The following IFI16 variants were observed in gnomAD, a reference collection of about 807,000 sequenced individuals.
IFI16 encodes the protein interferon gamma inducible protein 16.
A neutral mutation model predicts 68.4 loss-of-function variants in IFI16; 49 were observed. That is an observed-to-expected ratio of 0.72 (90% CI 0.57 to 0.91). The LOEUF (loss-of-function observed/expected upper bound fraction) is 0.91, where lower values mean the gene tolerates loss of function less well. Among genes scored for constraint, IFI16 ranks in the 40% least tolerant of loss-of-function variants. IFI16 has a pLI of 0.00. For missense variants in IFI16, 878 were observed against 942.9 expected, an observed-to-expected ratio of 0.93 and a Z score of 0.90; for synonymous variants, 307 against 315.0, an observed-to-expected ratio of 0.97 and a Z score of 0.27.
chr1:159,031,226 C>T (rs1653981607), intron 6 of IFI16, among the ~76,000 whole-genome samples: 1 of 152,232 alleles, frequency 6.6e-6, no homozygotes, highest in African/African-American at 2.4e-5. Flanking sequence ...AGCAAGTGAG[C>T]AGAGCTGAGA....
Position 159,019,522 on chromosome 1 carries a change from G to A in IFI16, c.973-819G>A, listed in dbSNP as rs577530706. 3.4e-4 allele frequency among the ~76,000 whole-genome samples: 52 copies of A among 151,026 alleles called. No individual in the cohort carries two copies. In the South Asian group the frequency reaches 4.0e-3, roughly 12 times the overall value. ...CGCCCAGGTTGGAGCGCAGTGGCGCGATCTCGGCTCACTGCAACCTTCGCC... is the reference window on the plus strand; with the variant it reads ...CGCCCAGGTTGGAGCGCAGTGGCGCAATCTCGGCTCACTGCAACCTTCGCC... On this transcript the variant is annotated intron_variant, in intron 5 of 11. Transcript: ENST00000295809.
chr1:159,037,508 C>T (rs1654398373), intron 7 of IFI16, among the ~76,000 whole-genome samples: 1 of 152,142 alleles, frequency 6.6e-6, no homozygotes, highest in African/African-American at 2.4e-5. Flanking sequence ...GTCACGACTC[C>T]TCTAAAGCAT....
At chr1:159,018,208 C>T (rs1417858274) in intron 4 of IFI16, 21 bp from the exon 5 acceptor site, 2 of 1,596,176 alleles carry the variant, frequency 1.3e-6, no homozygotes, top group South Asian at 2.2e-5. Flanking sequence ...TTTCTTTGTT[C>T]TCCTGTGCTA....
At chr1:159,010,580 A>G (rs752939634) in intron 1 of IFI16, among the ~76,000 whole-genome samples, 5 of 152,236 alleles carry the variant, frequency 3.3e-5, no homozygotes, top group Non-Finnish European at 1.5e-5. Flanking sequence ...ATATCTGAGC[A>G]TAGAGATGTA....
In IFI16 at chr1:159,018,480, T is replaced by C. The variant is rs11539423; in HGVS notation, c.801T>C (p.Tyr267=). ...KIIIISDYLE[Y]DSLLEVNEES... is the part of the protein sequence containing the mutation. ...TCATCATATCAGATTATTTGGAATA[T>C]GATAGTCTCCTAGAGGTCAATGAAG... Residue 267 remains tyrosine (Y), a synonymous_variant, in exon 5 of 12, where the codon TAT becomes TAC. Transcript: ENST00000295809. 0.053 allele frequency: 85,375 copies of C among 1,613,736 alleles called. 2,565 individuals are homozygous for C. The highest frequency in any genetic ancestry group is 0.062 in the Middle Eastern group (375 of 6,060).
intron 7 of IFI16, among the ~76,000 whole-genome samples, chr1:159,035,128 G>T (rs1654246983): frequency 6.6e-6 from 1 of 152,220 alleles, no homozygotes; most frequent in African/African-American, 2.4e-5. Flanking sequence ...TCCTGGAAGA[G>T]AAGCTTCCTA....
At chr1:159,035,098 C>T (rs1633262) in intron 7 of IFI16, among the ~76,000 whole-genome samples, 108,712 of 152,078 alleles carry the variant, frequency 0.71, 40,730 homozygotes, top group Admixed American at 0.83. Context: ...CAGCAGATAC[C>T]TCCAGCCACC....
At chr1:159,047,207 C>T (rs536390720) in intron 8 of IFI16, among the ~76,000 whole-genome samples, 16 of 151,440 alleles carry the variant, frequency 1.1e-4, no homozygotes, top group African/African-American at 3.9e-4. Flanking sequence ...ACCCGAGCAC[C>T]ATCCACACAC....
chr1:159,017,996 C>G (rs1653041441), intron 4 of IFI16, among the ~76,000 whole-genome samples: 1 of 152,210 alleles, frequency 6.6e-6, no homozygotes, highest in Admixed American at 6.5e-5. Flanking sequence ...AAGGTTGATT[C>G]TGTTTACAGA....
intron 5 of IFI16, among the ~76,000 whole-genome samples, chr1:159,019,620 G>T (rs1418884705): frequency 6.6e-6 from 1 of 152,020 alleles, no homozygotes; most frequent in Non-Finnish European, 1.5e-5. Context: ...CATCACGCCT[G>T]GCTAAATTTT....
At chr1:159,029,970 C>G (rs1249833849) in intron 6 of IFI16, among the ~76,000 whole-genome samples, 2 of 82,460 alleles carry the variant, frequency 2.4e-5, no homozygotes, top group Non-Finnish European at 4.4e-5. Context: ...GCATGAGCCA[C>G]CATGCCCGGC....
chr1:159,047,842 C>T (rs1383409251), intron 8 of IFI16, among the ~76,000 whole-genome samples: 1 of 150,678 alleles, frequency 6.6e-6, no homozygotes, highest in Non-Finnish European at 1.5e-5. Context: ...TATGCTGTTA[C>T]GTATCCTGAA....
intron 4 of IFI16, among the ~76,000 whole-genome samples, chr1:159,017,122 T>TC (rs564680857): frequency 1.3e-5 from 2 of 152,360 alleles, no homozygotes; most frequent in South Asian, 4.1e-4. Flanking sequence ...TTAAAACTGT[T>TC]CTATCGCAGT....
chr1:159,020,124 T>C (rs1335026905), intron 5 of IFI16, among the ~76,000 whole-genome samples: 2 of 152,162 alleles, frequency 1.3e-5, no homozygotes, highest in Non-Finnish European at 2.9e-5. Context: ...AACTCATTGT[T>C]CTAGAACTGT....
At chr1:159,054,430 T>G (rs1164831456) in intron 11 of IFI16, among the ~76,000 whole-genome samples, 1 of 152,198 alleles carries the variant, frequency 6.6e-6, no homozygotes, top group East Asian at 1.9e-4. Context: ...GTCAAACATT[T>G]CAAACCTTCT....
At position 159,054,950 on chromosome 1, in the gene IFI16, C is replaced by T. The variant is rs752543050; in HGVS notation, c.*49C>T. On this transcript the variant is annotated 3_prime_UTR_variant, in exon 12 of 12. Transcript: ENST00000295809. ...TGTTTATGGAGATAAGGTCTAAGTG[C>T]CTAAAAAAATGTACATATACCTGGT... The T allele has an allele frequency of 1.9e-6, 2 of 1,057,336 alleles. No individual in the cohort carries two copies. The highest frequency in any genetic ancestry group is 1.4e-5 in the South Asian group (1 of 73,604). 65.5% of individuals were successfully genotyped at this position (1,057,336 alleles called of 1,614,324 possible).
intron 8 of IFI16, among the ~76,000 whole-genome samples, chr1:159,048,571 CAG>C (rs935929896): frequency 1.3e-5 from 2 of 151,332 alleles, no homozygotes; most frequent in African/African-American, 2.4e-5. Context: ...CAGTGGTGGT[CAG>C]AGACTGTTCT....
chr1:159,012,883 G>T (rs1652659193), intron 1 of IFI16, among the ~76,000 whole-genome samples: 1 of 152,116 alleles, frequency 6.6e-6, no homozygotes, highest in Non-Finnish European at 1.5e-5. Context: ...ACTTTCCATT[G>T]AAAATTTTTT....
chr1:159,037,833 T>C (rs940523648), intron 7 of IFI16, among the ~76,000 whole-genome samples: 1 of 152,116 alleles, frequency 6.6e-6, no homozygotes, highest in African/African-American at 2.4e-5. Context: ...ACATAAAGCA[T>C]TAAATATCTT....
Sources: gnomAD v4.1 joint callset for allele counts (sites outside exome capture counted in the v4.1 genomes callset) on GRCh38, gnomAD v4.1.1 for gene constraint, MANE v1.5 for transcripts, NCBI Gene and HGNC (gene_info 2026-07-23, HGNC 2026-07-21) for gene names.